The following ENO3 variants were observed in gnomAD, a reference collection of about 807,000 sequenced individuals.
ENO3 encodes the protein enolase 3, also known as beta-enolase.
In ENO3, 46 loss-of-function variants were observed where a neutral mutation model predicts 47.7. The observed-to-expected ratio is 0.96, with a 90% confidence interval of 0.76 to 1.23. The LOEUF (loss-of-function observed/expected upper bound fraction) is 1.23. Ranked by LOEUF, ENO3 falls within the 50% of genes most tolerant of loss-of-function variation. The pLI is 0.00. For missense variants in ENO3, 575 were observed against 566.2 expected (o/e 1.02, Z -0.16); for synonymous variants, 223 against 225.9 (o/e 0.99, Z 0.11).
In ENO3 at chr17:4,952,955, T is replaced by C. The variant is rs1053122313; in HGVS notation, c.181+65T>C. Reference sequence around the variant, plus strand: ...CTTTAGGACATGGGTGCACAATGGGTAGAGGACTGGAACCCCCAAGGCTCT... The same window carrying C: ...CTTTAGGACATGGGTGCACAATGGGCAGAGGACTGGAACCCCCAAGGCTCT... On this transcript the variant is annotated intron_variant, in intron 3 of 11. Coordinates refer to ENST00000519602, the MANE Select transcript of ENO3 (RefSeq NM_053013.4). 8.7e-6 allele frequency: 14 copies of C among 1,610,016 alleles called. No homozygotes were observed. In the African/African-American group the frequency reaches 1.9e-4, roughly 22 times the overall value.
chr17:4,951,031 A>AG, upstream of ENO3: 1 of 986,132 alleles, frequency 1.0e-6, no homozygotes. Context: ...CCCAGTGTGA[A>AG]GGGGGGAGGA....
intron 1 of ENO3, among the ~76,000 whole-genome samples, chr17:4,951,429 T>G (rs1433013510): frequency 6.6e-6 from 1 of 151,982 alleles, no homozygotes; most frequent in East Asian, 1.9e-4. Flanking sequence ...AGCTGGAACC[T>G]GATAGGGAAT....
rs1304120580 is a variant in ENO3 at position 4,953,838 on chromosome 17, C to T, written c.437C>T (p.Pro146Leu). 6.2e-7 allele frequency: 1 copy of T among 1,614,156 alleles called. No individual in the cohort carries two copies. Among genetic ancestry groups the T allele is most frequent in the South Asian group, 1.1e-5 (1 of 91,078 alleles). The part of the protein sequence containing the change: ...DLAGNPDLIL[P>L]VPAFNVINGG... ...GCTGGGAACCCTGACCTCATACTCC[C>T]AGTGCCAGTGAGTGCAGCTACCCGC... The change falls in exon 6 of 12, where the codon CCA becomes CTA. Residue 146 changes from proline (P) to leucine (L), a missense_variant. Transcript: ENST00000519602.
upstream of ENO3, among the ~76,000 whole-genome samples, chr17:4,950,019 T>G (rs1310758757): frequency 6.1e-5 from 6 of 97,588 alleles, no homozygotes; most frequent in East Asian, 1.0e-3. Flanking sequence ...ACTGGACGGG[T>G]GGCGGGGCAG....
rs903700892 is a variant in ENO3 at position 4,953,659 on chromosome 17, A to AC, written c.311-49dup. The AC allele has an allele frequency of 5.0e-6, 8 of 1,613,948 alleles. No individual in the cohort carries two copies. In the African/African-American group the frequency reaches 1.1e-4, roughly 22 times the overall value. On this transcript the variant is annotated intron_variant, in intron 5 of 11. Transcript: ENST00000519602. ...GCTCTGGCGTCTTCCTGGAGTAGCC[A>AC]CCCCAAACCCTGCAGAAGCTCTCAT...
At chr17:4,951,246 A>G (rs1018652995) in intron 1 of ENO3, 64 bp downstream of exon 1, 2 of 1,006,626 alleles carry the variant, frequency 2.0e-6, no homozygotes, top group Non-Finnish European at 2.4e-6. Context: ...ATTGGCTTGG[A>G]GGAAGTGGGG....
rs773850230 is a variant in ENO3 at position 4,951,871 on chromosome 17, C to T, written c.42C>T (p.Ser14=). The T allele has an allele frequency of 4.3e-6, 7 of 1,614,188 alleles. No homozygotes were observed. The South Asian group carries it at 6.6e-5, about 15-fold the overall frequency. The change falls in exon 2 of 12, where the codon TCC becomes TCT. Residue 14 remains serine (S), a synonymous_variant. Coordinates refer to ENST00000519602, the MANE Select transcript of ENO3 (RefSeq NM_053013.4). ...QKIFAREILD[S]RGNPTVEVDL... Reference sequence around the variant, plus strand: ...TCTTTGCCCGGGAAATCTTGGACTCCAGGGGCAACCCCACGGTGGAGGTGG... The same window carrying T: ...TCTTTGCCCGGGAAATCTTGGACTCTAGGGGCAACCCCACGGTGGAGGTGG...
Position 4,951,839 on chromosome 17 carries a change from C to G in ENO3, c.10C>G (p.Gln4Glu), listed in dbSNP as rs757514570. The G allele has an allele frequency of 6.8e-6, 11 of 1,614,040 alleles. No homozygotes were observed. The African/African-American group carries it at 1.3e-4, about 20-fold the overall frequency. Reference protein sequence around the residue: MAMQKIFAREILDS... With the variant: MAMEKIFAREILDS... ...CTCCTGTCCTGCAGCCATGGCCATG[C>G]AGAAAATCTTTGCCCGGGAAATCTT... is the stretch of plus-strand genomic sequence containing the variant. The change falls in exon 2 of 12, where the codon CAG becomes GAG. Residue 4 changes from glutamine (Q) to glutamate (E), a missense_variant. By Grantham distance (29) the Gln-to-Glu change is conservative. Transcript: ENST00000519602.
intron 2 of ENO3, 43 bp from the exon 3 acceptor site, chr17:4,952,750 CCG>C: frequency 6.4e-7 from 1 of 1,563,304 alleles, no homozygotes; most frequent in Non-Finnish European, 8.7e-7. Flanking sequence ...GCATGGGCCA[CCG>C]CGCCCAGCCA....
rs753695984 is a variant in ENO3 at position 4,953,785 on chromosome 17, C to T, written c.384C>T (p.Val128=). The T allele has an allele frequency of 3.7e-5, 60 of 1,614,072 alleles. No individual in the cohort carries two copies. The Middle Eastern group carries it at 4.9e-4, about 13-fold the overall frequency. ...AGGCGGGAGCAGCTGAGAAGGGGGT[C>T]CCCCTGTACCGCCACATCGCAGATC... ...VCKAGAAEKG[V]PLYRHIADLA... Residue 128 remains valine (V), a synonymous_variant, in exon 6 of 12, where the codon GTC becomes GTT. Coordinates refer to ENST00000519602, the MANE Select transcript of ENO3 (RefSeq NM_053013.4).
Position 4,956,953 on chromosome 17 carries a change from A to T in ENO3, c.1236-25A>T, listed in dbSNP as rs750384381. 8 of 1,614,268 alleles carry T rather than the reference A, an allele frequency of 5.0e-6. No homozygotes were observed. The South Asian group carries it at 7.7e-5, about 16-fold the overall frequency. On this transcript the variant is annotated intron_variant, in intron 11 of 11. Transcript: ENST00000519602. Reference sequence around the variant, plus strand: ...GAGGCTGTTAGGTTGGAAGTTCAGCAGCCCTAACCTTGCCTGCATTCTAGG... The same window carrying T: ...GAGGCTGTTAGGTTGGAAGTTCAGCTGCCCTAACCTTGCCTGCATTCTAGG...
Position 4,955,528 on chromosome 17 carries a change from G to C in ENO3, c.789G>C (p.Ser263=), listed in dbSNP as rs75748087. The change falls in exon 8 of 12, where the codon TCG becomes TCC. Residue 263 remains serine (S), a synonymous_variant. Transcript: ENST00000519602. ...GGAAGTACGATCTTGACTTCAAGTC[G>C]CCTGATGATCCCGCACGGCACATCA... The part of the protein sequence containing the change: ...RNGKYDLDFK[S]PDDPARHITG... The C allele has an allele frequency of 2.0e-3, 3,190 of 1,614,190 alleles. 86 individuals carry two copies. In the South Asian group the frequency reaches 0.033, roughly 17 times the overall value.
intron 5 of ENO3, 104 bp downstream of exon 5, chr17:4,953,445 T>G: frequency 1.3e-6 from 2 of 1,515,074 alleles, no homozygotes. Flanking sequence ...CCATTTTGGG[T>G]CACACCGCAG....
chr17:4,956,618 C>T lies in ENO3; in HGVS notation c.1113C>T (p.His371=), dbSNP rs1597706079. 6.2e-7 allele frequency: 1 copy of T among 1,614,198 alleles called. No homozygotes were observed. Among genetic ancestry groups the T allele is most frequent in the Non-Finnish European group, 8.5e-7 (1 of 1,180,030 alleles). The stretch of plus-strand genomic sequence containing the variant: ...ATGGCTGGGGGGTGATGGTGAGCCA[C>T]CGCTCTGGGGAGACTGAGGACACAT... ...QSNGWGVMVS[H]RSGETEDTFI... The change falls in exon 10 of 12, where the codon CAC becomes CAT. Residue 371 remains histidine (H), a synonymous_variant. Transcript: ENST00000519602.
chr17:4,953,435 C>G, intron 5 of ENO3, 94 bp downstream of exon 5: 2 of 1,557,044 alleles, frequency 1.3e-6, no homozygotes, highest in South Asian at 2.2e-5. Context: ...TCTGGGTCCC[C>G]CATTTTGGGT....
At chr17:4,951,366 G>A in intron 1 of ENO3, 184 bp downstream of exon 1, 2 of 893,684 alleles carry the variant, frequency 2.2e-6, no homozygotes, top group Non-Finnish European at 2.8e-6. Flanking sequence ...GAAGGATCTA[G>A]GGAAAGGAGG....
intron 8 of ENO3, 96 bp downstream of exon 8, chr17:4,955,700 C>G (rs1567673022): frequency 6.5e-7 from 1 of 1,539,098 alleles, no homozygotes. Flanking sequence ...GACTTGGATC[C>G]TTCCAATTCT....
intron 6 of ENO3, among the ~76,000 whole-genome samples, chr17:4,954,629 G>C (rs891367240): frequency 1.3e-5 from 2 of 152,212 alleles, no homozygotes; most frequent in Non-Finnish European, 2.9e-5. Flanking sequence ...AATGAGGAAA[G>C]AGAGGCTGGG....
rs369680560 is a variant in ENO3 at position 4,956,745 on chromosome 17, C to T, written c.1176+64C>T. The T allele has an allele frequency of 8.7e-5, 141 of 1,613,814 alleles. 1 individual carries two copies. In the South Asian group the frequency reaches 1.5e-3, roughly 17 times the overall value. ...TTTCTTGGGGTCCCTGGCCTCCTGC[C>T]TTTGAGGTTAATGCTCCCTTGGGGC... On this transcript the variant is annotated intron_variant, in intron 10 of 11. Transcript: ENST00000519602.
Sources: allele counts gnomAD v4.1 joint callset (sites outside exome capture counted in the v4.1 genomes callset), GRCh38; gene constraint gnomAD v4.1.1; transcripts MANE v1.5; gene names NCBI Gene and HGNC (gene_info 2026-07-23, HGNC 2026-07-21).